The following MAGI1 variants were observed in gnomAD, a reference collection of about 807,000 sequenced individuals.
The protein encoded by MAGI1 is membrane-associated guanylate kinase, WW and PDZ domain-containing protein 1.
In MAGI1, 58 loss-of-function variants were observed where a neutral mutation model predicts 139.9. The observed-to-expected ratio is 0.41, with a 90% confidence interval of 0.34 to 0.52. The LOEUF is 0.52. Among genes scored for constraint, MAGI1 ranks in the 20% least tolerant of loss-of-function variants. The pLI is 0.12. For missense variants in MAGI1, 1,874 were observed against 1,901.6 expected (o/e 0.99, Z 0.27); for synonymous variants, 812 against 737.9 (o/e 1.10, Z -1.63).
At chr3:66,037,223 G>A (rs72895302) in intron 1 of MAGI1, among the ~76,000 whole-genome samples, 1,935 of 152,312 alleles carry the variant, frequency 0.013, 30 homozygotes, top group African/African-American at 0.036. Context: ...GTGAATCGGA[G>A]TGAGATAGTG....
intron 1 of MAGI1, among the ~76,000 whole-genome samples, chr3:65,723,881 A>G (rs2107699551): frequency 6.6e-6 from 1 of 152,358 alleles, no homozygotes; most frequent in East Asian, 1.9e-4. Flanking sequence ...GAGATTCAGC[A>G]TGAGTGCAAG....
rs114490979 is a variant in MAGI1, at chr3:65,803,715, G to A, written c.314-181627C>T. 5.8e-3 allele frequency among the ~76,000 whole-genome samples: 886 copies of A among 152,048 alleles called. 7 individuals are homozygous for A. The highest frequency in any genetic ancestry group is 0.02 in the African/African-American group (842 of 41,478). ...CTCTCCTGTCACCCTCTACCTTCCA[G>A]TAGGCCCCAGTGTCTGTTGTTCCCC... On this transcript the variant is annotated intron_variant, in intron 1 of 22. Transcript: ENST00000402939.
chr3:65,901,373 G>A (rs998832876), intron 1 of MAGI1, among the ~76,000 whole-genome samples: 8 of 152,208 alleles, frequency 5.3e-5, no homozygotes, highest in African/African-American at 1.2e-4. Flanking sequence ...TGAGAGTCAC[G>A]TGGTGACGAA....
At chr3:65,523,357 C>A (rs1388205356) in intron 2 of MAGI1, among the ~76,000 whole-genome samples, 3 of 150,518 alleles carry the variant, frequency 2.0e-5, no homozygotes, top group African/African-American at 4.9e-5. Context: ...ACTATAAACA[C>A]CATTTAATGT....
In MAGI1 at chr3:65,962,286, T is replaced by C. The variant is rs146577406; in HGVS notation, c.313+75710A>G. ...GGCACCCGCCACCATGCCCGGCTAA[T>C]TTTTTTTTGTATTTTTAGTAGAGAC... On this transcript the variant is annotated intron_variant, in intron 1 of 22. Transcript: ENST00000402939. Among the ~76,000 whole-genome samples, 943 of 149,890 alleles carry C rather than the reference T, an allele frequency of 6.3e-3. 39 individuals are homozygous for C. The East Asian group carries it at 0.096, about 15-fold the overall frequency.
At chr3:65,868,266 G>A (rs2059798591) in intron 1 of MAGI1, among the ~76,000 whole-genome samples, 1 of 152,170 alleles carries the variant, frequency 6.6e-6, no homozygotes, top group Admixed American at 6.5e-5. Context: ...GATCACCACT[G>A]CACAGTAAAT....
In MAGI1 at chr3:65,376,364, T is replaced by G. The variant is rs1378250412; in HGVS notation, c.2996-419A>C. 2.0e-5 allele frequency among the ~76,000 whole-genome samples: 3 copies of G among 152,192 alleles called. No individual in the cohort carries two copies. In the East Asian group the frequency reaches 5.8e-4, roughly 29 times the overall value. On this transcript the variant is annotated intron_variant, in intron 17 of 22. Coordinates refer to ENST00000402939, the MANE Select transcript of MAGI1 (RefSeq NM_001033057.2). ...TCATTCTGTGTTCATGTCACTTCAT[T>G]TTTGCCAGCTGTTGTTTAAGCTTCT... is the stretch of plus-strand genomic sequence containing the variant.
chr3:66,026,836 C>T (rs994255233), intron 1 of MAGI1, among the ~76,000 whole-genome samples: 3 of 107,986 alleles, frequency 2.8e-5, no homozygotes, highest in Non-Finnish European at 6.1e-5. Context: ...GACTATCTTC[C>T]GTGGGGTCAC....
At chr3:65,544,100 C>A (rs1010217340) in intron 2 of MAGI1, among the ~76,000 whole-genome samples, 1 of 151,878 alleles carries the variant, frequency 6.6e-6, no homozygotes, top group Non-Finnish European at 1.5e-5. Flanking sequence ...CAGATATTCA[C>A]CATGATTATT....
intron 1 of MAGI1, among the ~76,000 whole-genome samples, chr3:65,936,127 T>C (rs1367488837): frequency 1.3e-5 from 2 of 152,138 alleles, no homozygotes; most frequent in Non-Finnish European, 2.9e-5. Context: ...CTGACCTTCA[T>C]CCTAAAATCA....
intron 12 of MAGI1, among the ~76,000 whole-genome samples, chr3:65,414,768 T>G (rs1211021262): frequency 6.6e-6 from 1 of 151,496 alleles, no homozygotes; most frequent in East Asian, 1.9e-4. Flanking sequence ...GTGTGGTGGT[T>G]CACGCCTGTA....
intron 18 of MAGI1, among the ~76,000 whole-genome samples, chr3:65,375,433 C>A (rs1013856773): frequency 1.1e-4 from 16 of 151,704 alleles, no homozygotes; most frequent in African/African-American, 3.9e-4. Flanking sequence ...ATGATCCACC[C>A]GCCTCGGCCT....
chr3:65,468,505 G>A (rs1052471663), intron 5 of MAGI1, among the ~76,000 whole-genome samples: 15 of 150,510 alleles, frequency 1.0e-4, no homozygotes, highest in Admixed American at 3.3e-4. Flanking sequence ...CCTCTCAAGT[G>A]GCTGGGACTA....
chr3:65,597,685 G>C (rs1424656437), intron 2 of MAGI1: 1 of 456,518 alleles, frequency 2.2e-6, no homozygotes. Context: ...TCAAACCTCC[G>C]GTGGCAGGGA....
At chr3:65,482,023 T>C (rs747123784) in intron 3 of MAGI1, among the ~76,000 whole-genome samples, 2 of 152,224 alleles carry the variant, frequency 1.3e-5, no homozygotes, top group Non-Finnish European at 2.9e-5. Context: ...ATTGCTGTTG[T>C]AGAAGATATA....
At chr3:65,685,380 A>G (rs1355362970) in intron 1 of MAGI1, among the ~76,000 whole-genome samples, 1 of 151,984 alleles carries the variant, frequency 6.6e-6, no homozygotes, top group Non-Finnish European at 1.5e-5. Context: ...AGAATTACAC[A>G]TACCTTTATT....
At chr3:65,617,779 A>G (rs1212836136) in intron 2 of MAGI1, among the ~76,000 whole-genome samples, 1 of 152,214 alleles carries the variant, frequency 6.6e-6, no homozygotes, top group African/African-American at 2.4e-5. Context: ...AAAATAAAAG[A>G]AGAAAAAGAA....
intron 1 of MAGI1, among the ~76,000 whole-genome samples, chr3:65,710,269 CTTTTTTTTTTTTT>C (rs1175790063): frequency 4.0e-4 from 27 of 66,880 alleles, no homozygotes; most frequent in African/African-American, 1.5e-3. Context: ...CCTTACATTT[CTTTTTTTTTTTTT>C]TTTTTTTTTT....
chr3:65,454,649 G>A lies in MAGI1; in HGVS notation c.960-1309C>T, dbSNP rs570203158. On this transcript the variant is annotated intron_variant, in intron 5 of 22. Transcript: ENST00000402939. ...ACTTTTTTTGAACTGTGACATTTCGGTTGTAAATTTGGGAGTTGGCAGGGA... is the reference window on the plus strand; with the variant it reads ...ACTTTTTTTGAACTGTGACATTTCGATTGTAAATTTGGGAGTTGGCAGGGA... Among the ~76,000 whole-genome samples the A allele has an allele frequency of 2.1e-4, 31 of 150,756 alleles. No homozygotes were observed. In the South Asian group the frequency reaches 4.2e-3, roughly 20 times the overall value.
Sources: gnomAD v4.1 joint callset for allele counts (sites outside exome capture counted in the v4.1 genomes callset) on GRCh38, gnomAD v4.1.1 for gene constraint, MANE v1.5 for transcripts, NCBI Gene and HGNC (gene_info 2026-07-23, HGNC 2026-07-21) for gene names.